TENM1: variants seen among roughly 807,000 people sequenced by gnomAD.
TENM1 encodes teneurin-1.
A neutral mutation model predicts 174.8 loss-of-function variants in TENM1; 35 were observed. That is an observed-to-expected ratio of 0.20 (90% CI 0.15 to 0.27). The LOEUF (loss-of-function observed/expected upper bound fraction) is 0.27, where lower values mean the gene tolerates loss of function less well. TENM1 is among the 10% of genes least tolerant of loss of function. The pLI is 1.00. For synonymous variants in TENM1, 781 were observed against 798.7 expected (o/e 0.98, Z 0.37); for missense variants, 1,633 against 2,130.1 (o/e 0.77, Z 4.59).
At chrX:124,538,741 G>A (rs1171244365) in intron 15 of TENM1, among the ~76,000 whole-genome samples, 3 of 111,431 alleles carry the variant, frequency 2.7e-5, no homozygotes, top group Non-Finnish European at 3.8e-5. Context: ...TTATGTTGTC[G>A]ACCTTCTGGG....
intron 1 of TENM1, among the ~76,000 whole-genome samples, chrX:124,939,465 C>T (rs928661891): frequency 9.0e-6 from 1 of 111,432 alleles, no homozygotes; most frequent in African/African-American, 3.3e-5. Flanking sequence ...GTTTCTGCAC[C>T]TGGACTGATA....
intron 11 of TENM1, among the ~76,000 whole-genome samples, chrX:124,591,533 A>G (rs1035714598): frequency 8.9e-6 from 1 of 111,792 alleles, no homozygotes; most frequent in Admixed American, 9.5e-5. Flanking sequence ...TTTCTTTAAG[A>G]ATGCTGAAAA....
intron 14 of TENM1, among the ~76,000 whole-genome samples, chrX:124,554,379 T>C (rs142804224): frequency 0.025 from 2,754 of 111,636 alleles, 87 homozygotes; most frequent in African/African-American, 0.084. Context: ...GATAATGTGA[T>C]GGGCCCAGTC....
chrX:125,013,213 G>A, the TENM1 span, among the ~76,000 whole-genome samples: 7 of 111,809 alleles, frequency 6.3e-5, no homozygotes, highest in African/African-American at 2.3e-4. Flanking sequence ...GATAAACAGA[G>A]AAGACTATAC....
chrX:124,758,343 T>C (rs1360404419), intron 3 of TENM1, among the ~76,000 whole-genome samples: 2 of 111,428 alleles, frequency 1.8e-5, no homozygotes, highest in Non-Finnish European at 3.8e-5. Context: ...GGAGATATTA[T>C]CTTATACCCA....
chrX:124,936,478 C>T (rs1426490095), intron 1 of TENM1, among the ~76,000 whole-genome samples: 2 of 111,817 alleles, frequency 1.8e-5, no homozygotes, highest in Admixed American at 1.9e-4. Flanking sequence ...ACCATAGCAC[C>T]TCATAGCACT....
intron 3 of TENM1, among the ~76,000 whole-genome samples, chrX:124,866,401 T>G (rs2057009014): frequency 8.9e-6 from 1 of 111,988 alleles, no homozygotes; most frequent in Admixed American, 9.4e-5. Context: ...AATATGTTCC[T>G]GAATGACCAG....
the TENM1 span, among the ~76,000 whole-genome samples, chrX:125,023,412 T>A: frequency 9.0e-6 from 1 of 111,182 alleles, no homozygotes; most frequent in African/African-American, 3.3e-5. Flanking sequence ...CTTTATAAAT[T>A]ACACAGTCTC....
At chrX:124,571,688 G>T (rs957115861) in intron 11 of TENM1, among the ~76,000 whole-genome samples, 1 of 111,943 alleles carries the variant, frequency 8.9e-6, no homozygotes, top group Non-Finnish European at 1.9e-5. Flanking sequence ...CTTTATGCAA[G>T]TAAGTCTGAA....
At chrX:124,449,884 TA>T (rs746718128) in intron 23 of TENM1, among the ~76,000 whole-genome samples, 1,163 of 111,493 alleles carry the variant, frequency 0.01, 6 homozygotes, top group Non-Finnish European at 0.016. Flanking sequence ...GCCAGTGTTT[TA>T]TAGAGTTGTA....
At chrX:124,827,745 T>A (rs2056199763) in intron 3 of TENM1, among the ~76,000 whole-genome samples, 1 of 111,961 alleles carries the variant, frequency 8.9e-6, no homozygotes. Context: ...GTACCCTTAT[T>A]ATTCCAAGAA....
the TENM1 span, among the ~76,000 whole-genome samples, chrX:125,003,621 T>G: frequency 9.1e-6 from 1 of 109,764 alleles, no homozygotes; most frequent in African/African-American, 3.3e-5. Context: ...TGGCTATGGG[T>G]TTTTTTTTCT....
intron 3 of TENM1, among the ~76,000 whole-genome samples, chrX:124,795,237 G>C (rs1471128822): frequency 1.8e-5 from 2 of 112,030 alleles, no homozygotes; most frequent in Admixed American, 1.9e-4. Flanking sequence ...TTCAATACTT[G>C]AAGCCTAGTA....
intron 1 of TENM1, among the ~76,000 whole-genome samples, chrX:124,941,975 G>A (rs998936156): frequency 9.0e-6 from 1 of 111,339 alleles, no homozygotes; most frequent in African/African-American, 3.3e-5. Flanking sequence ...CAGATCTCTT[G>A]AGACTTATTC....
intron 6 of TENM1, among the ~76,000 whole-genome samples, chrX:124,659,456 A>G (rs2051535435): frequency 8.9e-6 from 1 of 112,186 alleles, no homozygotes; most frequent in South Asian, 3.7e-4. Flanking sequence ...AAACTACAAG[A>G]CATAATTGAA....
intron 3 of TENM1, among the ~76,000 whole-genome samples, chrX:124,819,049 G>C (rs1054851390): frequency 4.5e-5 from 5 of 111,726 alleles, no homozygotes; most frequent in African/African-American, 1.6e-4. Flanking sequence ...ATAAGACAAT[G>C]ATGACATGAT....
At chrX:124,853,589 T>C (rs113364142) in intron 3 of TENM1, among the ~76,000 whole-genome samples, 4,781 of 110,971 alleles carry the variant, frequency 0.043, 242 homozygotes, top group African/African-American at 0.15. Flanking sequence ...TCATGATTGA[T>C]GGCCTTTATT....
At position 124,672,198 on chromosome X, in the gene TENM1, G is replaced by A. The variant is rs181830577; in HGVS notation, c.1016-363C>T. ...GTTTCCATATGGAAACTATTACAGA[G>A]TAATGGTGGACAGACTACCATGAGA... On this transcript the variant is annotated intron_variant, in intron 5 of 31. Coordinates refer to ENST00000422452, the Ensembl canonical transcript of TENM1. Among the ~76,000 whole-genome samples the A allele has an allele frequency of 2.1e-4, 23 of 111,256 alleles. No homozygotes were observed. The East Asian group carries it at 5.7e-3, about 27-fold the overall frequency.
chrX:124,888,898 G>A (rs773907005), intron 3 of TENM1, among the ~76,000 whole-genome samples: 9 of 112,366 alleles, frequency 8.0e-5, no homozygotes, highest in Non-Finnish European at 1.7e-4. Flanking sequence ...GAGATCTTTA[G>A]TTACCTGTCC....
Sources: gnomAD v4.1 joint callset for allele counts (sites outside exome capture counted in the v4.1 genomes callset) on GRCh38, gnomAD v4.1.1 for gene constraint, MANE v1.5 for transcripts, NCBI Gene and HGNC (gene_info 2026-07-23, HGNC 2026-07-21) for gene names.